The following ADGRV1 variants were observed in gnomAD, a reference collection of about 807,000 sequenced individuals.
ADGRV1 encodes G-protein coupled receptor 98.
Under a neutral mutation model 596.2 loss-of-function variants are expected in ADGRV1, and 359 were observed. The observed-to-expected ratio is 0.60, with a 90% CI of 0.55 to 0.66. The LOEUF (loss-of-function observed/expected upper bound fraction) is 0.66. ADGRV1 is among the 30% of genes least tolerant of loss of function. The pLI is 0.00. For synonymous variants in ADGRV1, 2,681 were observed against 2,679.2 expected, an observed-to-expected ratio of 1.00 and a Z score of -0.02; for missense variants, 7,274 against 7,575.6, an observed-to-expected ratio of 0.96 and a Z score of 1.48.
chr5:91,135,272 A>C (rs1794540270), intron 87 of ADGRV1, among the ~76,000 whole-genome samples: 1 of 152,170 alleles, frequency 6.6e-6, no homozygotes, highest in African/African-American at 2.4e-5. Context: ...AAGTAGTAAA[A>C]TTTGGCATGC....
rs1314104212 is a variant in ADGRV1, at chr5:90,683,638, ACT to A, written c.5720_5721del (p.Ser1907Ter). 6.2e-7 allele frequency: 1 copy of A among 1,611,226 alleles called. No homozygotes were observed. The highest frequency in any genetic ancestry group is 8.5e-7 in the Non-Finnish European group (1 of 1,177,784). On this transcript the variant is annotated frameshift_variant, in exon 28 of 90. Transcript: ENST00000405460. LOFTEE classifies it high-confidence loss of function. ...CCAGTGACTTTGCATTGGAACATAGACTCTGATCCTGATGGTGATCTCGCCTT... is the reference window on the plus strand; with the variant it reads ...CCAGTGACTTTGCATTGGAACATAGACTGATCCTGATGGTGATCTCGCCTT...
chr5:90,587,331 G>C (rs1285616805), intron 1 of ADGRV1, among the ~76,000 whole-genome samples: 2 of 152,086 alleles, frequency 1.3e-5, no homozygotes, highest in East Asian at 3.9e-4. Flanking sequence ...CTTCCTTGTA[G>C]TGGGGAATGA....
chr5:91,101,813 G>A (rs983547622), intron 86 of ADGRV1, among the ~76,000 whole-genome samples: 4 of 151,826 alleles, frequency 2.6e-5, no homozygotes, highest in Admixed American at 1.3e-4. Flanking sequence ...ACGCACACAC[G>A]CACGATGTTA....
At chr5:91,130,393 G>T (rs192834553) in intron 87 of ADGRV1, among the ~76,000 whole-genome samples, 2 of 151,554 alleles carry the variant, frequency 1.3e-5, no homozygotes, top group East Asian at 3.9e-4. Flanking sequence ...TTAGCCGGGC[G>T]TGGTGGTGGG....
Position 90,683,977 on chromosome 5 carries a change from A to G in ADGRV1, c.6056A>G (p.Asp2019Gly), listed in dbSNP as rs765501831. Reference sequence around the variant, plus strand: ...GTCCTTGTCTCATATGCAACACTAGATGATATGGAAAAACCACCTTATTTT... The same window carrying G: ...GTCCTTGTCTCATATGCAACACTAGGTGATATGGAAAAACCACCTTATTTT... ...GKVLVSYATL[D>G]DMEKPPYFPP... is the part of the protein sequence containing the mutation. The change falls in exon 28 of 90, where the codon GAT becomes GGT. Residue 2019 changes from aspartate (D) to glycine (G), a missense_variant. Around this residue, in one of 5 missense-constraint regions of ADGRV1, gnomAD observed 3,643 missense variants for 3,809.2 expected, o/e 0.96. Transcript: ENST00000405460. 8.1e-6 allele frequency: 13 copies of G among 1,613,956 alleles called. No individual in the cohort carries two copies. In the South Asian group the frequency reaches 1.3e-4, roughly 16 times the overall value.
At chr5:90,915,688 C>T (rs10078496) in intron 83 of ADGRV1, among the ~76,000 whole-genome samples, 42,376 of 152,042 alleles carry the variant, frequency 0.28, 6,461 homozygotes, top group Non-Finnish European at 0.35. Context: ...GCTGGCTGAC[C>T]TATGATGGGA....
chr5:91,043,256 A>G lies in ADGRV1; in HGVS notation c.18153-29191A>G, dbSNP rs367639770. ...CATTTGTGTTCATCTTCTAAAGGAA[A>G]CTCTTTTCCAGATACAGTTCTGTTA... On this transcript the variant is annotated intron_variant, in intron 85 of 89. Transcript: ENST00000405460. Among the ~76,000 whole-genome samples, 202 of 151,800 alleles carry G rather than the reference A, an allele frequency of 1.3e-3. 7 individuals carry two copies. The South Asian group carries it at 0.04, about 30-fold the overall frequency.
At chr5:90,986,103 ATATT>A (rs1562047880) in intron 85 of ADGRV1, among the ~76,000 whole-genome samples, 3 of 139,694 alleles carry the variant, frequency 2.1e-5, no homozygotes, top group African/African-American at 7.7e-5. Flanking sequence ...ATATATATAT[ATATT>A]ATGCATATAT....
chr5:90,689,528 A>C (rs1746184429), intron 29 of ADGRV1, among the ~76,000 whole-genome samples: 1 of 152,028 alleles, frequency 6.6e-6, no homozygotes, highest in Non-Finnish European at 1.5e-5. Context: ...CTAAAAGTAC[A>C]CATTTTTTTC....
chr5:90,906,104 T>C (rs549897014), intron 83 of ADGRV1, among the ~76,000 whole-genome samples: 2 of 152,254 alleles, frequency 1.3e-5, no homozygotes, highest in Admixed American at 6.5e-5. Context: ...AATAATGTTT[T>C]TAATGTATTG....
At chr5:90,656,637 T>G (rs1169107391) in intron 20 of ADGRV1, among the ~76,000 whole-genome samples, 1 of 152,196 alleles carries the variant, frequency 6.6e-6, no homozygotes, top group Admixed American at 6.5e-5. Context: ...GTATGGGAGC[T>G]GTCATGACAG....
intron 50 of ADGRV1, among the ~76,000 whole-genome samples, chr5:90,740,095 G>A (rs560628604): frequency 6.6e-6 from 1 of 152,344 alleles, no homozygotes; most frequent in African/African-American, 2.4e-5. Flanking sequence ...GTTAAGGAAA[G>A]TACTGGGGCT....
At chr5:90,619,026 A>C (rs1156583144) in intron 3 of ADGRV1, 60 bp from the exon 4 acceptor site, 1 of 791,852 alleles carries the variant, frequency 1.3e-6, no homozygotes, top group African/African-American at 1.8e-5. Flanking sequence ...TACAAAAATA[A>C]ATTTTTAACT....
Position 90,779,044 on chromosome 5 carries a change from T to C in ADGRV1, c.13029T>C (p.Pro4343=). The C allele has an allele frequency of 6.2e-7, 1 of 1,613,222 alleles. No homozygotes were observed. Among genetic ancestry groups the C allele is most frequent in the Non-Finnish European group, 8.5e-7 (1 of 1,179,388 alleles). Residue 4343 remains proline, a synonymous_variant, in exon 64 of 90, where the codon CCT becomes CCC. Coordinates refer to ENST00000405460, the MANE Select transcript of ADGRV1 (RefSeq NM_032119.4). ...TTGAAATCCTTGATGATGACTATCCTGAAGGCCCAGAGGAATTTTCTCTAA... is the reference window on the plus strand; with the variant it reads ...TTGAAATCCTTGATGATGACTATCCCGAAGGCCCAGAGGAATTTTCTCTAA... ...LHVEILDDDY[P]EGPEEFSLTI... is the part of the protein sequence containing the mutation.
chr5:90,780,994 C>A, intron 64 of ADGRV1: 2 of 167,528 alleles, frequency 1.2e-5, no homozygotes, highest in Non-Finnish European at 2.6e-5. Context: ...ATGACACTCA[C>A]TATTTCTTTG....
At chr5:90,910,702 G>A (rs2150688872) in intron 83 of ADGRV1, among the ~76,000 whole-genome samples, 1 of 152,010 alleles carries the variant, frequency 6.6e-6, no homozygotes, top group African/African-American at 2.4e-5. Context: ...GTTTTCAGGG[G>A]ATTATTCTGT....
intron 78 of ADGRV1, among the ~76,000 whole-genome samples, chr5:90,843,091 C>T (rs1384814438): frequency 6.6e-6 from 1 of 152,080 alleles, no homozygotes; most frequent in African/African-American, 2.4e-5. Context: ...GTAAATTAAC[C>T]TATAAATGAA....
At chr5:90,624,769 A>T (rs758012038) in intron 5 of ADGRV1, among the ~76,000 whole-genome samples, 2 of 152,170 alleles carry the variant, frequency 1.3e-5, no homozygotes, top group African/African-American at 4.8e-5. Context: ...TATTCTTCAC[A>T]TCTTCACATC....
chr5:90,840,798 T>C lies in ADGRV1; in HGVS notation c.16832T>C (p.Val5611Ala), dbSNP rs1050947790. 3.1e-6 allele frequency: 5 copies of C among 1,613,862 alleles called. No individual in the cohort carries two copies. The highest frequency in any genetic ancestry group is 1.3e-5 in the African/African-American group (1 of 74,922). ...DPKGGARIDK[V>A]YGTANITLVS... is the part of the protein sequence containing the mutation. ...AAAGGTGGTGCCAGAATTGATAAAG[T>C]GTATGGGACTGCCAACATCACTCTT... Residue 5611 changes from valine (V) to alanine (A), a missense_variant, in exon 78 of 90, where the codon GTG becomes GCG. Coordinates refer to ENST00000405460, the MANE Select transcript of ADGRV1 (RefSeq NM_032119.4).
Sources: gnomAD v4.1 joint callset for allele counts (sites outside exome capture counted in the v4.1 genomes callset) on GRCh38, gnomAD v4.1.1 for gene constraint, gnomAD v4.1.1 regional missense constraint, MANE v1.5 for transcripts, NCBI Gene and HGNC (gene_info 2026-07-23, HGNC 2026-07-21) for gene names.